The following WDR70 variants were observed in gnomAD, a reference collection of about 807,000 sequenced individuals.
The protein encoded by WDR70 is WD repeat-containing protein 70.
Under a neutral mutation model 88.6 loss-of-function variants are expected in WDR70, and 53 were observed. That is an observed-to-expected ratio of 0.60 (90% CI 0.48 to 0.75). The LOEUF is 0.75. Ranked by LOEUF, WDR70 falls within the 30% of genes least tolerant of loss-of-function variation. The probability of loss-of-function intolerance (pLI) is 0.00; values close to 1 mark genes in which losing one functional copy is unlikely to be tolerated. For missense variants in WDR70, 610 were observed against 823.2 expected, an observed-to-expected ratio of 0.74 and a Z score of 3.17; for synonymous variants, 280 against 270.0, an observed-to-expected ratio of 1.04 and a Z score of -0.36.
intron 8 of WDR70, among the ~76,000 whole-genome samples, chr5:37,514,389 T>C: frequency 1.1e-4 from 1 of 9,510 alleles, no homozygotes; most frequent in Non-Finnish European, 1.7e-3. Context: ...TATTTTTTTT[T>C]CCATTAACTT....
At position 37,752,813 on chromosome 5, in the gene WDR70, T is replaced by G; in HGVS notation, c.*240T>G. 2.7e-6 allele frequency: 1 copy of G among 370,662 alleles called. No homozygotes were observed. The highest frequency in any genetic ancestry group is 4.8e-6 in the Non-Finnish European group (1 of 209,368). The allele number at this position is 370,662 out of a possible 1,614,324, so 23.0% of individuals were successfully genotyped here. A position where few individuals can be genotyped will look rare whatever the true frequency, so the allele number is the denominator to read the frequency against. Reference sequence around the variant, plus strand: ...AACAGATTCTTAGTCTATTACCAAGTACTTTAGGTATTTGGAAACTTTATT... The same window carrying G: ...AACAGATTCTTAGTCTATTACCAAGGACTTTAGGTATTTGGAAACTTTATT... On this transcript the variant is annotated 3_prime_UTR_variant, in exon 18 of 18. Transcript: ENST00000265107.
Position 37,577,567 on chromosome 5 carries a change from A to G in WDR70, c.918-27497A>G, listed in dbSNP as rs989578320. Among the ~76,000 whole-genome samples the G allele has an allele frequency of 2.0e-5, 3 of 152,172 alleles. No homozygotes were observed. The East Asian group carries it at 5.8e-4, about 29-fold the overall frequency. ...TCAGGGAAGACTTTCCCAGGGAGAT[A>G]ATGTTTTAGTTGAGAATGGAGGAGG... On this transcript the variant is annotated intron_variant, in intron 9 of 17. Transcript: ENST00000265107.
At chr5:37,557,959 T>TTTGAAAACTCTTCGAA in intron 9 of WDR70, among the ~76,000 whole-genome samples, 1 of 146,506 alleles carries the variant, frequency 6.8e-6, no homozygotes. Flanking sequence ...AAAAGAGTAT[T>TTTGAAAACTCTTCGAA]ATGTATATTT....
intron 16 of WDR70, among the ~76,000 whole-genome samples, chr5:37,726,519 T>A (rs905407338): frequency 1.3e-5 from 2 of 152,168 alleles, no homozygotes; most frequent in South Asian, 2.1e-4. Context: ...CCCTAAGATA[T>A]GTTTATTTAA....
At chr5:37,543,972 A>G (rs1741909740) in intron 9 of WDR70, among the ~76,000 whole-genome samples, 1 of 152,076 alleles carries the variant, frequency 6.6e-6, no homozygotes, top group East Asian at 1.9e-4. Context: ...GGGTTTCACC[A>G]TGTTGGCCAG....
At chr5:37,398,189 T>C (rs958175585) in intron 5 of WDR70, among the ~76,000 whole-genome samples, 5 of 148,570 alleles carry the variant, frequency 3.4e-5, no homozygotes, top group Non-Finnish European at 5.9e-5. Flanking sequence ...CCCGGGTTCA[T>C]GCCATTCTCC....
At chr5:37,559,393 C>G (rs142833419) in intron 9 of WDR70, among the ~76,000 whole-genome samples, 3 of 152,316 alleles carry the variant, frequency 2.0e-5, no homozygotes, top group African/African-American at 7.2e-5. Context: ...CTTCCTCCCC[C>G]ACTTTTCCTC....
intron 10 of WDR70, among the ~76,000 whole-genome samples, chr5:37,694,535 CA>C (rs1240659040): frequency 2.6e-5 from 4 of 152,124 alleles, no homozygotes; most frequent in Non-Finnish European, 5.9e-5. Flanking sequence ...AGGATGAGTT[CA>C]TGTCTTTCAG....
intron 10 of WDR70, among the ~76,000 whole-genome samples, chr5:37,639,188 A>G (rs1745044748): frequency 6.6e-6 from 1 of 152,250 alleles, no homozygotes; most frequent in Admixed American, 6.5e-5. Context: ...AAGAATTATA[A>G]CAATATGATG....
chr5:37,709,347 C>A lies in WDR70; in HGVS notation c.1416+6260C>A, dbSNP rs182011983. ...AGCTTAATGAAATTTTACTGTAATT[C>A]ACTTTTTTTAGGAGGATTAAACAAT... On this transcript the variant is annotated intron_variant, in intron 13 of 17. Coordinates refer to ENST00000265107, the MANE Select transcript of WDR70 (RefSeq NM_018034.4). Among the ~76,000 whole-genome samples the A allele has an allele frequency of 1.7e-3, 257 of 152,242 alleles. 2 individuals are homozygous for A. The highest frequency in any genetic ancestry group is 0.01 in the Middle Eastern group (3 of 294).
chr5:37,557,891 C>T (rs1217630587), intron 9 of WDR70, among the ~76,000 whole-genome samples: 2 of 148,774 alleles, frequency 1.3e-5, no homozygotes, highest in Admixed American at 6.7e-5. Context: ...TAGTTTTCCT[C>T]TTCAGATTTA....
chr5:37,417,613 A>G (rs932741249), intron 5 of WDR70, among the ~76,000 whole-genome samples: 9 of 151,244 alleles, frequency 6.0e-5, no homozygotes, highest in African/African-American at 2.2e-4. Context: ...ATCATAGCTC[A>G]CTGTGACCTC....
chr5:37,688,145 A>G (rs1381008002), intron 10 of WDR70: 1 of 411,946 alleles, frequency 2.4e-6, no homozygotes, highest in African/African-American at 2.0e-5. Context: ...ATTGAATGAT[A>G]AAGTATTATG....
rs556098194 is a variant in WDR70 at position 37,712,868 on chromosome 5, AT to A, written c.1417-8237del. Reference sequence around the variant, plus strand: ...AAGCGTGCACTACCATGCCCAGCTAATTTTTTTTTTCTTAGTAGAAACAGGG... The same window carrying A: ...AAGCGTGCACTACCATGCCCAGCTAATTTTTTTTTCTTAGTAGAAACAGGG... On this transcript the variant is annotated intron_variant, in intron 13 of 17. Coordinates refer to ENST00000265107, the MANE Select transcript of WDR70 (RefSeq NM_018034.4). Among the ~76,000 whole-genome samples the A allele has an allele frequency of 6.7e-5, 10 of 149,886 alleles. No homozygotes were observed. In the South Asian group the frequency reaches 1.9e-3, roughly 29 times the overall value.
At chr5:37,463,074 C>A (rs1170444240) in intron 7 of WDR70, among the ~76,000 whole-genome samples, 2 of 151,956 alleles carry the variant, frequency 1.3e-5, no homozygotes, top group East Asian at 1.9e-4. Flanking sequence ...GAGTTTGAGA[C>A]CAGCCTGACC....
At chr5:37,433,824 A>G (rs1750388028) in intron 5 of WDR70, among the ~76,000 whole-genome samples, 1 of 152,194 alleles carries the variant, frequency 6.6e-6, no homozygotes, top group Non-Finnish European at 1.5e-5. Context: ...AAACATTTTC[A>G]TTTGCCCATT....
chr5:37,523,541 A>G (rs891541625), intron 9 of WDR70, among the ~76,000 whole-genome samples: 9 of 152,340 alleles, frequency 5.9e-5, no homozygotes, highest in South Asian at 2.1e-4. Flanking sequence ...AAAATAGAGC[A>G]GAAAAGCTGA....
At chr5:37,728,825 G>T (rs550257580) in intron 17 of WDR70, among the ~76,000 whole-genome samples, 2 of 152,106 alleles carry the variant, frequency 1.3e-5, no homozygotes, top group Non-Finnish European at 2.9e-5. Context: ...TTTATCATCC[G>T]TGAATGAATT....
chr5:37,673,583 A>ACCTC (rs1554010663), intron 10 of WDR70, among the ~76,000 whole-genome samples: 2 of 76,228 alleles, frequency 2.6e-5, no homozygotes, highest in Admixed American at 1.6e-4. Flanking sequence ...GACTTTTCTT[A>ACCTC]CCCCCCCCCC....
Sources: allele counts gnomAD v4.1 joint callset (sites outside exome capture counted in the v4.1 genomes callset), GRCh38; gene constraint gnomAD v4.1.1; transcripts MANE v1.5; gene names NCBI Gene and HGNC (gene_info 2026-07-23, HGNC 2026-07-21).